METAP2: variants seen among roughly 807,000 people sequenced by gnomAD.
METAP2 encodes the protein methionyl aminopeptidase 2.
Under a neutral mutation model 59.4 loss-of-function variants are expected in METAP2, and 25 were observed. That is an observed-to-expected ratio of 0.42 (90% CI 0.31 to 0.59). METAP2 has a LOEUF of 0.59. Ranked by LOEUF, METAP2 falls within the 20% of genes least tolerant of loss-of-function variation. The probability of loss-of-function intolerance (pLI) is 0.16; values close to 1 mark genes in which losing one functional copy is unlikely to be tolerated. For synonymous variants in METAP2, 214 were observed against 194.1 expected (o/e 1.10, Z -0.85); for missense variants, 366 against 581.2 (o/e 0.63, Z 3.81).
At chr12:95,491,707 T>C (rs2140148832) in intron 4 of METAP2, among the ~76,000 whole-genome samples, 1 of 152,192 alleles carries the variant, frequency 6.6e-6, no homozygotes, top group Non-Finnish European at 1.5e-5. Context: ...AAACAGGGTC[T>C]TTCTATGTTG....
chr12:95,476,289 A>G (rs1594407823), intron 2 of METAP2, 111 bp downstream of exon 2: 1 of 594,204 alleles, frequency 1.7e-6, no homozygotes, highest in South Asian at 2.2e-5. Context: ...GGTGGATTAC[A>G]TAAGGTCAGT....
In METAP2 at chr12:95,487,427, G is replaced by C. The variant is rs543730947; in HGVS notation, c.428+1446G>C. ...CTTAGGGAATAAGTGTAAAGTTCTG[G>C]AATTGTATGACATGGGCTTCTTTTC... On this transcript the variant is annotated intron_variant, in intron 4 of 10. Transcript: ENST00000323666. Among the ~76,000 whole-genome samples the C allele has an allele frequency of 4.6e-5, 7 of 152,142 alleles. 1 individual carries two copies. The South Asian group carries it at 1.5e-3, about 32-fold the overall frequency.
Position 95,498,120 on chromosome 12 carries a change from G to A in METAP2, c.867+2022G>A, listed in dbSNP as rs373321357. Among the ~76,000 whole-genome samples, 125 of 147,976 alleles carry A rather than the reference G, an allele frequency of 8.4e-4. 1 individual carries two copies. Among genetic ancestry groups the A allele is most frequent in the Admixed American group, 2.7e-4 (4 of 14,948 alleles). ...TGCACTCCAGCCTGGGCGACTGAGC[G>A]AGACTCCATCTCAAAAAAAAAAAAA... On this transcript the variant is annotated intron_variant, in intron 7 of 10. Transcript: ENST00000323666.
At chr12:95,485,029 T>C (rs187161923) in intron 3 of METAP2, among the ~76,000 whole-genome samples, 2 of 152,342 alleles carry the variant, frequency 1.3e-5, no homozygotes, top group Non-Finnish European at 2.9e-5. Context: ...TTTCCTCATC[T>C]ATACAGTGGG....
At chr12:95,498,084 G>C (rs918002919) in intron 7 of METAP2, among the ~76,000 whole-genome samples, 4 of 150,684 alleles carry the variant, frequency 2.7e-5, no homozygotes, top group African/African-American at 9.8e-5. Context: ...AGTGAGCCGA[G>C]ATCGCCCCAC....
chr12:95,513,327 A>C (rs1343600700), intron 10 of METAP2, among the ~76,000 whole-genome samples: 1 of 152,150 alleles, frequency 6.6e-6, no homozygotes, highest in East Asian at 1.9e-4. Flanking sequence ...CAGGTCTTTG[A>C]GCTTGCTGCA....
In METAP2 at chr12:95,485,905, G is replaced by C. The variant is rs148941453; in HGVS notation, c.352G>C (p.Val118Leu). ...AAAAGTTCAAACAGACCCTCCCTCAGTTCCAATATGTGACCTGTATCCTAA... is the reference window on the plus strand; with the variant it reads ...AAAAGTTCAAACAGACCCTCCCTCACTTCCAATATGTGACCTGTATCCTAA... ...GPKVQTDPPS[V>L]PICDLYPNGV... The change falls in exon 4 of 11, where the codon GTT becomes CTT. Residue 118 changes from valine (V) to leucine (L), a missense_variant. Val to Leu is a conservative substitution (Grantham distance 32, BLOSUM62 1). Around this residue, in one of 4 missense-constraint regions of METAP2, gnomAD observed 177 missense variants for 180.3 expected, o/e 0.98. Coordinates refer to ENST00000323666, the MANE Select transcript of METAP2 (RefSeq NM_006838.4). 1,321 of 1,579,800 alleles carry C rather than the reference G, an allele frequency of 8.4e-4. 7 individuals are homozygous for C. The highest frequency in any genetic ancestry group is 7.7e-3 in the South Asian group (646 of 84,230).
In METAP2 at chr12:95,515,299, T is replaced by G. The variant is rs1032998205; in HGVS notation, c.*1395T>G. 1.3e-5 allele frequency: 2 copies of G among 152,538 alleles called. No homozygotes were observed. The highest frequency in any genetic ancestry group is 2.9e-5 in the Non-Finnish European group (2 of 68,028). The allele number at this position is 152,538 out of a possible 1,614,324, so 9.4% of individuals were successfully genotyped here. ...TACCTTGTCGGGAAACAATCTAGGTTTTAGCTGTATGAGCTATGTTTATTA... is the reference window on the plus strand; with the variant it reads ...TACCTTGTCGGGAAACAATCTAGGTGTTAGCTGTATGAGCTATGTTTATTA... On this transcript the variant is annotated 3_prime_UTR_variant, in exon 11 of 11. Transcript: ENST00000323666.
chr12:95,487,287 C>T (rs1332471143), intron 4 of METAP2, among the ~76,000 whole-genome samples: 1 of 151,954 alleles, frequency 6.6e-6, no homozygotes, highest in African/African-American at 2.4e-5. Context: ...TCTACTGTAG[C>T]TCTTGTTTTC....
At chr12:95,482,276 T>C in intron 2 of METAP2, 1 of 379,062 alleles carries the variant, frequency 2.6e-6, no homozygotes, top group East Asian at 8.1e-5. Context: ...CACACCTGGA[T>C]AATTTTTTGT....
chr12:95,512,564 T>C (rs2076411136), intron 9 of METAP2, among the ~76,000 whole-genome samples: 1 of 151,930 alleles, frequency 6.6e-6, no homozygotes, highest in Admixed American at 6.6e-5. Flanking sequence ...ATACAAAAAT[T>C]AGCCAGGCAT....
rs12298331 is a variant in METAP2 at position 95,502,148 on chromosome 12, G to A, written c.868-1917G>A. Among the ~76,000 whole-genome samples, 509 of 152,024 alleles carry A rather than the reference G, an allele frequency of 3.3e-3. 2 individuals carry two copies. Among genetic ancestry groups the A allele is most frequent in the African/African-American group, 0.012 (481 of 41,458 alleles). On this transcript the variant is annotated intron_variant, in intron 7 of 10. Transcript: ENST00000323666. Reference sequence around the variant, plus strand: ...TCTCCAAGTAGCTGGGACTATAGGCGTGTGCCACAATACCTTGCTAATTTT... The same window carrying A: ...TCTCCAAGTAGCTGGGACTATAGGCATGTGCCACAATACCTTGCTAATTTT...
chr12:95,487,737 T>A (rs2076208114), intron 4 of METAP2, among the ~76,000 whole-genome samples: 1 of 152,194 alleles, frequency 6.6e-6, no homozygotes, highest in Admixed American at 6.5e-5. Context: ...GATCATTGTT[T>A]GTTTTACAAA....
chr12:95,496,032 C>T lies in METAP2; in HGVS notation c.801C>T (p.Val267=). 6.3e-7 allele frequency: 1 copy of T among 1,597,334 alleles called. No homozygotes were observed. The highest frequency in any genetic ancestry group is 8.6e-7 in the Non-Finnish European group (1 of 1,168,208). The change falls in exon 7 of 11, where the codon GTC becomes GTT. Residue 267 remains valine (V), a synonymous_variant. Transcript: ENST00000323666. ...SGRIIDCAFT[V]TFNPKYDTLL... Reference sequence around the variant, plus strand: ...GGATTATTGACTGTGCTTTTACTGTCACTTTTAATCCCAAATATGATACGT... The same window carrying T: ...GGATTATTGACTGTGCTTTTACTGTTACTTTTAATCCCAAATATGATACGT...
intron 1 of METAP2, among the ~76,000 whole-genome samples, chr12:95,475,263 A>C (rs1399589757): frequency 6.6e-6 from 1 of 152,246 alleles, no homozygotes; most frequent in African/African-American, 2.4e-5. Flanking sequence ...GGTCGAAGAG[A>C]GCTAATCTTC....
chr12:95,490,520 A>G (rs1171599058), intron 4 of METAP2, among the ~76,000 whole-genome samples: 3 of 150,608 alleles, frequency 2.0e-5, no homozygotes, highest in Admixed American at 6.6e-5. Flanking sequence ...GAGTGTATCC[A>G]GATGACTGTT....
At chr12:95,480,900 C>T (rs1408530469) in intron 2 of METAP2, among the ~76,000 whole-genome samples, 1 of 152,084 alleles carries the variant, frequency 6.6e-6, no homozygotes, top group Non-Finnish European at 1.5e-5. Flanking sequence ...TGTGTCCTGT[C>T]TAAAAAGTTA....
intron 8 of METAP2, among the ~76,000 whole-genome samples, chr12:95,505,988 T>G (rs1384181912): frequency 6.6e-6 from 1 of 151,348 alleles, no homozygotes; most frequent in Non-Finnish European, 1.5e-5. Context: ...TCTCAGCTAC[T>G]CGGGAGGCTG....
intron 4 of METAP2, among the ~76,000 whole-genome samples, chr12:95,487,718 G>A (rs1034370161): frequency 6.6e-6 from 1 of 151,696 alleles, no homozygotes; most frequent in Non-Finnish European, 1.5e-5. Flanking sequence ...TTTATGTAAG[G>A]GAATGTTTGA....
Sources: allele counts gnomAD v4.1 joint callset (sites outside exome capture counted in the v4.1 genomes callset), GRCh38; gene constraint gnomAD v4.1.1; regional missense constraint gnomAD v4.1.1; transcripts MANE v1.5; gene names NCBI Gene and HGNC (gene_info 2026-07-23, HGNC 2026-07-21).